FHIT: variants seen among roughly 807,000 people sequenced by gnomAD.
The protein encoded by FHIT is bis(5'-adenosyl)-triphosphatase.
Under a neutral mutation model 17.9 loss-of-function variants are expected in FHIT, and 19 were observed. That is an observed-to-expected ratio of 1.06 (90% CI 0.74 to 1.56). The LOEUF is 1.56. Among genes scored for constraint, FHIT ranks in the 40% most tolerant of loss-of-function variants. The probability of loss-of-function intolerance (pLI) is 0.00; values close to 1 mark genes in which losing one functional copy is unlikely to be tolerated. For synonymous variants in FHIT, 81 were observed against 69.7 expected (o/e 1.16, Z -0.81); for missense variants, 248 against 189.2 (o/e 1.31, Z -1.82).
chr3:61,014,779 C>CAA (rs869289360), intron 3 of FHIT, among the ~76,000 whole-genome samples: 42 of 65,794 alleles, frequency 6.4e-4, no homozygotes, highest in African/African-American at 1.3e-3. Flanking sequence ...GACTCTGCCT[C>CAA]AAAAAAAAAA....
chr3:59,828,398 T>G (rs776916601), intron 8 of FHIT, among the ~76,000 whole-genome samples: 10 of 152,250 alleles, frequency 6.6e-5, no homozygotes, highest in Non-Finnish European at 1.3e-4. Context: ...AATATAATTT[T>G]GGTTTTCTGC....
At chr3:60,886,803 T>C (rs1705243437) in intron 3 of FHIT, among the ~76,000 whole-genome samples, 1 of 152,138 alleles carries the variant, frequency 6.6e-6, no homozygotes, top group African/African-American at 2.4e-5. Flanking sequence ...CTCCATTTAC[T>C]CAACATTCTA....
intron 5 of FHIT, among the ~76,000 whole-genome samples, chr3:60,195,599 A>ATATTTATATTTATATATAAT (rs1702603887): frequency 9.4e-5 from 8 of 85,518 alleles, no homozygotes; most frequent in Non-Finnish European, 2.2e-4. Context: ...ATATATAATT[A>ATATTTATATTTATATATAAT]TATATATGTA....
At chr3:59,907,376 C>T (rs1704631799) in intron 8 of FHIT, among the ~76,000 whole-genome samples, 1 of 152,218 alleles carries the variant, frequency 6.6e-6, no homozygotes, top group South Asian at 2.1e-4. Flanking sequence ...AAGGGAAGTG[C>T]ATCTATTGCT....
At chr3:60,491,741 G>C (rs577933750) in intron 5 of FHIT, among the ~76,000 whole-genome samples, 23 of 152,292 alleles carry the variant, frequency 1.5e-4, no homozygotes, top group Middle Eastern at 3.4e-3. Flanking sequence ...CCATCAGCTA[G>C]TGAAGATAAG....
intron 8 of FHIT, among the ~76,000 whole-genome samples, chr3:59,778,358 C>T (rs1216284384): frequency 6.6e-6 from 1 of 152,146 alleles, no homozygotes; most frequent in Non-Finnish European, 1.5e-5. Context: ...GTTGAATGAC[C>T]ATAACCCAGG....
At chr3:60,114,488 C>CTGTTTTTTTTTTTTTTTT in intron 5 of FHIT, among the ~76,000 whole-genome samples, 1 of 59,480 alleles carries the variant, frequency 1.7e-5, no homozygotes, top group Non-Finnish European at 2.9e-5. Flanking sequence ...CAAGAGAAAT[C>CTGTTTTTTTTTTTTTTTT]CTTTTTTTTT....
chr3:60,060,149 A>G (rs1029017350), intron 5 of FHIT, among the ~76,000 whole-genome samples: 1 of 152,124 alleles, frequency 6.6e-6, no homozygotes, highest in East Asian at 1.9e-4. Context: ...AACCATAAAC[A>G]AAAATAAAGA....
intron 8 of FHIT, among the ~76,000 whole-genome samples, chr3:59,767,788 A>G (rs890992910): frequency 6.6e-6 from 1 of 152,156 alleles, no homozygotes; most frequent in African/African-American, 2.4e-5. Flanking sequence ...GAAGAAGTTA[A>G]GGCTTAGAGA....
intron 1 of FHIT, among the ~76,000 whole-genome samples, chr3:61,217,249 T>A (rs1433358323): frequency 6.6e-6 from 1 of 152,216 alleles, no homozygotes; most frequent in African/African-American, 2.4e-5. Context: ...CTTTTCTGTA[T>A]GCTACAAAGC....
intron 5 of FHIT, among the ~76,000 whole-genome samples, chr3:60,125,384 C>T (rs1279094009): frequency 6.6e-6 from 1 of 152,102 alleles, no homozygotes; most frequent in East Asian, 1.9e-4. Flanking sequence ...GTAATTCCAG[C>T]ACTTTGGGAG....
At chr3:60,760,960 T>C (rs782753488) in intron 4 of FHIT, among the ~76,000 whole-genome samples, 3 of 152,194 alleles carry the variant, frequency 2.0e-5, no homozygotes, top group Non-Finnish European at 4.4e-5. Flanking sequence ...AGACTCTTTC[T>C]CATTTAGCCT....
intron 2 of FHIT, among the ~76,000 whole-genome samples, chr3:61,171,990 A>C (rs542568530): frequency 6.6e-6 from 1 of 152,234 alleles, no homozygotes; most frequent in South Asian, 2.1e-4. Context: ...TGGACGGGGG[A>C]AAAGAAATTT....
rs536136781 is a variant in FHIT, at chr3:59,844,706, G to A, written c.348+77640C>T. On this transcript the variant is annotated intron_variant, in intron 8 of 9. Transcript: ENST00000492590. The stretch of plus-strand genomic sequence containing the variant: ...TGATGTATAATTCTTTTAATATACC[G>A]GTGAGTTTGGTTTGCTAGTATTTCG... 1.1e-4 allele frequency among the ~76,000 whole-genome samples: 17 copies of A among 152,136 alleles called. 1 individual carries two copies. The highest frequency in any genetic ancestry group is 1.7e-4 in the African/African-American group (7 of 41,506).
rs1236247439 is a variant in FHIT, at chr3:60,310,826, T to C, written c.103+226034A>G. On this transcript the variant is annotated intron_variant, in intron 5 of 9. Coordinates refer to ENST00000492590, the MANE Select transcript of FHIT (RefSeq NM_002012.4). The stretch of plus-strand genomic sequence containing the variant: ...GATGAGTACAGGGGACAACTGTGTA[T>C]GCCCCAGATTCACTGGTTATTATAT... Among the ~76,000 whole-genome samples the C allele has an allele frequency of 5.3e-5, 8 of 152,200 alleles. 1 individual carries two copies. The highest frequency in any genetic ancestry group is 5.2e-4 in the Admixed American group (8 of 15,276).
At chr3:60,896,504 A>G (rs1373065779) in intron 3 of FHIT, among the ~76,000 whole-genome samples, 2 of 152,176 alleles carry the variant, frequency 1.3e-5, no homozygotes, top group Non-Finnish European at 2.9e-5. Context: ...TCCCCACAAA[A>G]TAATACATTT....
intron 8 of FHIT, among the ~76,000 whole-genome samples, chr3:59,907,418 C>T (rs1412713372): frequency 3.3e-5 from 5 of 152,204 alleles, no homozygotes; most frequent in African/African-American, 1.2e-4. Flanking sequence ...ACCAGCTTAG[C>T]CTTTAATTCA....
intron 2 of FHIT, among the ~76,000 whole-genome samples, chr3:61,121,858 T>A (rs2036466157): frequency 6.6e-6 from 1 of 151,934 alleles, no homozygotes; most frequent in Admixed American, 6.6e-5. Context: ...AAGAGACACA[T>A]AGGCTCAAAA....
chr3:61,034,861 G>A (rs150666872), intron 3 of FHIT, among the ~76,000 whole-genome samples: 56 of 152,222 alleles, frequency 3.7e-4, no homozygotes, highest in African/African-American at 1.3e-3. Flanking sequence ...ATACACAATA[G>A]CCAAAAGGTG....
Sources: gnomAD v4.1 joint callset for allele counts (sites outside exome capture counted in the v4.1 genomes callset) on GRCh38, gnomAD v4.1.1 for gene constraint, MANE v1.5 for transcripts, NCBI Gene and HGNC (gene_info 2026-07-23, HGNC 2026-07-21) for gene names.